STPG2: variants seen among roughly 807,000 people sequenced by gnomAD.
STPG2 encodes the protein sperm-tail PG-rich repeat-containing protein 2.
Under a neutral mutation model 54.2 loss-of-function variants are expected in STPG2, and 56 were observed. The ratio of observed to expected loss-of-function variants is 1.03; its 90% CI spans 0.83 to 1.29. STPG2 has a LOEUF of 1.29. STPG2 is among the 50% of genes most tolerant of loss of function. The probability of loss-of-function intolerance (pLI) is 0.00; values close to 1 mark genes in which losing one functional copy is unlikely to be tolerated. For missense variants in STPG2, 596 were observed against 544.9 expected (o/e 1.09, Z -0.93); for synonymous variants, 200 against 181.8 (o/e 1.10, Z -0.81).
chr4:97,546,914 T>A (rs528073783), intron 4 of STPG2, among the ~76,000 whole-genome samples: 2 of 152,158 alleles, frequency 1.3e-5, no homozygotes, highest in South Asian at 4.1e-4. Context: ...AGAGGAAGCA[T>A]ATGAGTATAT....
At chr4:97,536,611 G>T (rs1015702089) in intron 4 of STPG2, among the ~76,000 whole-genome samples, 1 of 152,142 alleles carries the variant, frequency 6.6e-6, no homozygotes, top group Non-Finnish European at 1.5e-5. Flanking sequence ...GAAGAGAATG[G>T]TCCCAAACTA....
chr4:98,086,557 T>C lies in STPG2; in HGVS notation c.612+19396A>G, dbSNP rs150411984. Among the ~76,000 whole-genome samples, 992 of 151,042 alleles carry C rather than the reference T, an allele frequency of 6.6e-3. 15 individuals are homozygous for C. Among genetic ancestry groups the C allele is most frequent in the African/African-American group, 0.023 (940 of 41,100 alleles). On this transcript the variant is annotated intron_variant, in intron 5 of 10. Coordinates refer to ENST00000295268, the MANE Select transcript of STPG2 (RefSeq NM_174952.3). The stretch of plus-strand genomic sequence containing the variant: ...CATTAAATATAGGTCTCCATCACTA[T>C]CTAAATTCTCACTACCTGAATCCAA...
intron 10 of STPG2, among the ~76,000 whole-genome samples, chr4:97,711,969 T>G (rs1017198322): frequency 1.3e-5 from 2 of 152,110 alleles, no homozygotes; most frequent in Non-Finnish European, 2.9e-5. Flanking sequence ...GTGCCTGGCC[T>G]TAGATTGTGA....
At chr4:97,524,677 C>A (rs964987504) in intron 4 of STPG2, among the ~76,000 whole-genome samples, 1 of 151,880 alleles carries the variant, frequency 6.6e-6, no homozygotes, top group Admixed American at 6.6e-5. Flanking sequence ...TACAGCAATC[C>A]TCTTTTTTGG....
At chr4:97,854,681 G>A (rs1729275710) in intron 8 of STPG2, among the ~76,000 whole-genome samples, 2 of 152,026 alleles carry the variant, frequency 1.3e-5, no homozygotes, top group African/African-American at 4.8e-5. Context: ...GACATTACAT[G>A]TGAATGTATG....
At chr4:97,535,615 C>T (rs1478245963) in intron 4 of STPG2, among the ~76,000 whole-genome samples, 1 of 152,038 alleles carries the variant, frequency 6.6e-6, no homozygotes, top group African/African-American at 2.4e-5. Context: ...TTGATAGTTA[C>T]CTCTTTCTTG....
chr4:97,526,182 T>C (rs1731276745), intron 4 of STPG2, among the ~76,000 whole-genome samples: 1 of 152,048 alleles, frequency 6.6e-6, no homozygotes, highest in South Asian at 2.1e-4. Context: ...TTAACTAATA[T>C]AAACTGAAAA....
intron 10 of STPG2, among the ~76,000 whole-genome samples, chr4:97,650,310 A>G (rs1722029102): frequency 6.6e-6 from 1 of 152,126 alleles, no homozygotes; most frequent in South Asian, 2.1e-4. Context: ...ATGTCGATGA[A>G]AAGAGTCAAA....
chr4:97,791,155 G>C (rs949920415), intron 9 of STPG2, among the ~76,000 whole-genome samples: 1 of 152,086 alleles, frequency 6.6e-6, no homozygotes, highest in Non-Finnish European at 1.5e-5. Flanking sequence ...TAAGGTATGA[G>C]AGCTTTTTGG....
chr4:97,477,586 C>A lies in STPG2; in HGVS notation c.462+235113G>T, dbSNP rs190888592. ...CCGCCTCCCAGGTTCACGCCATCCT[C>A]CTGCCTCAGCCTCCCAAGTAGCTGG... On this transcript the variant is annotated intron_variant, in intron 4 of 4. Transcript: ENST00000522676. 1.8e-3 allele frequency among the ~76,000 whole-genome samples: 271 copies of A among 151,314 alleles called. 1 individual carries two copies. The highest frequency in any genetic ancestry group is 6.3e-3 in the African/African-American group (259 of 41,262).
chr4:97,590,966 A>C (rs949439368), intron 10 of STPG2, among the ~76,000 whole-genome samples: 16 of 152,258 alleles, frequency 1.1e-4, no homozygotes, highest in Admixed American at 2.6e-4. Context: ...AAGACATCTC[A>C]TATCAAAACC....
At chr4:97,911,059 G>T (rs2149199536) in intron 8 of STPG2, among the ~76,000 whole-genome samples, 1 of 152,320 alleles carries the variant, frequency 6.6e-6, no homozygotes, top group South Asian at 2.1e-4. Flanking sequence ...ATGGGCAAGG[G>T]GAGCTCCCAG....
At chr4:97,887,890 G>C (rs1473184344) in intron 8 of STPG2, among the ~76,000 whole-genome samples, 2 of 152,160 alleles carry the variant, frequency 1.3e-5, no homozygotes, top group Non-Finnish European at 2.9e-5. Flanking sequence ...TGCAGCCTTG[G>C]GAAACTGCTC....
At chr4:97,459,863 T>G (rs151183424) in intron 4 of STPG2, among the ~76,000 whole-genome samples, 107 of 152,310 alleles carry the variant, frequency 7.0e-4, no homozygotes, top group Middle Eastern at 3.4e-3. Flanking sequence ...CCGAGTTTAT[T>G]TGCATAAACT....
chr4:97,742,561 G>GTATA (rs1343257333), intron 9 of STPG2, among the ~76,000 whole-genome samples: 71 of 125,586 alleles, frequency 5.7e-4, no homozygotes, highest in Middle Eastern at 3.9e-3. Context: ...GTGTGTGTGT[G>GTATA]TGTGTCTATA....
At chr4:98,033,256 AAAT>A (rs1736660239) in intron 5 of STPG2, among the ~76,000 whole-genome samples, 2 of 152,158 alleles carry the variant, frequency 1.3e-5, no homozygotes, top group Non-Finnish European at 2.9e-5. Context: ...ATGCAATAAA[AAAT>A]AATAAAGGGG....
Position 97,495,294 on chromosome 4 carries a change from C to T in STPG2, c.462+217405G>A, listed in dbSNP as rs555613837. On this transcript the variant is annotated intron_variant, in intron 4 of 4. Coordinates refer to the STPG2 transcript ENST00000522676. ...TTTAAGTCACCAAATTTTATTTATG[C>T]AATTCTATTTCTGTCTAAGCTAAAG... is the stretch of plus-strand genomic sequence containing the variant. Among the ~76,000 whole-genome samples the T allele has an allele frequency of 5.9e-5, 9 of 151,266 alleles. No homozygotes were observed. The South Asian group carries it at 1.7e-3, about 28-fold the overall frequency.
At chr4:97,476,072 T>C (rs1051516041) in intron 4 of STPG2, among the ~76,000 whole-genome samples, 2 of 152,206 alleles carry the variant, frequency 1.3e-5, no homozygotes, top group African/African-American at 2.4e-5. Context: ...CATGTGGGCA[T>C]TTAGTAAATT....
intron 10 of STPG2, among the ~76,000 whole-genome samples, chr4:97,626,246 C>T (rs1007121343): frequency 6.6e-6 from 1 of 152,136 alleles, no homozygotes; most frequent in African/African-American, 2.4e-5. Context: ...ATGACCCTGG[C>T]CATATGTAGC....
Sources: gnomAD v4.1 joint callset for allele counts (sites outside exome capture counted in the v4.1 genomes callset) on GRCh38, gnomAD v4.1.1 for gene constraint, MANE v1.5 for transcripts, NCBI Gene and HGNC (gene_info 2026-07-23, HGNC 2026-07-21) for gene names.